The following KDM3A variants were observed in gnomAD, a reference collection of about 807,000 sequenced individuals.
The protein encoded by KDM3A is lysine-specific demethylase 3A.
In KDM3A, 60 loss-of-function variants were observed where a neutral mutation model predicts 158.0. The observed-to-expected ratio is 0.38, with a 90% CI of 0.31 to 0.47. The LOEUF (loss-of-function observed/expected upper bound fraction) is 0.47, where lower values mean the gene tolerates loss of function less well. Ranked by LOEUF, KDM3A falls within the 20% of genes least tolerant of loss-of-function variation. The pLI is 0.99. For synonymous variants in KDM3A, 608 were observed against 549.3 expected (o/e 1.11, Z -1.49); for missense variants, 1,319 against 1,574.3 (o/e 0.84, Z 2.74).
Position 86,454,547 on chromosome 2 carries a change from A to G in KDM3A, c.454-538A>G, listed in dbSNP as rs185068938. Among the ~76,000 whole-genome samples the G allele has an allele frequency of 4.6e-5, 7 of 152,280 alleles. No individual in the cohort carries two copies. The East Asian group carries it at 9.6e-4, about 21-fold the overall frequency. ...TTGATGAATAAACTAACTCTCAGTT[A>G]TGGTCATCTACCCCTGCTAGTAGGT... On this transcript the variant is annotated intron_variant, in intron 4 of 25. Coordinates refer to ENST00000312912, the MANE Select transcript of KDM3A (RefSeq NM_018433.6).
At chr2:86,441,966 G>C in intron 1 of KDM3A, 52 bp from the exon 2 acceptor site, 34 of 1,019,112 alleles carry the variant, frequency 3.3e-5, no homozygotes, top group Non-Finnish European at 4.7e-5. Context: ...GTCTCCGCCC[G>C]GCCCCCTCCC....
At chr2:86,456,608 C>G (rs1203460748) in intron 6 of KDM3A, 42 bp downstream of exon 6, 2 of 1,560,730 alleles carry the variant, frequency 1.3e-6, no homozygotes, top group Admixed American at 3.6e-5. Flanking sequence ...CTCGACAAAG[C>G]ATGATAACTA....
rs1288204763 is a variant in KDM3A at position 86,442,137 on chromosome 2, C to T, written c.90C>T (p.His30=). The change falls in exon 2 of 26, where the codon CAC becomes CAT. Residue 30 remains histidine (H), a synonymous_variant. Transcript: ENST00000312912. ...LSAADGSDGS[H]DSWDVERVAE... is the part of the protein sequence containing the mutation. ...CAGCCGACGGCAGCGATGGCAGCCA[C>T]GACAGCTGGGACGTGGAGCGCGTCG... The T allele has an allele frequency of 1.2e-6, 2 of 1,614,080 alleles. No individual in the cohort carries two copies. Among genetic ancestry groups the T allele is most frequent in the Non-Finnish European group, 1.7e-6 (2 of 1,180,002 alleles).
intron 6 of KDM3A, 40 bp from the exon 7 acceptor site, chr2:86,456,764 AT>A: frequency 1.3e-6 from 2 of 1,512,718 alleles, no homozygotes; most frequent in Non-Finnish European, 1.8e-6. Flanking sequence ...GTTCTTGAGC[AT>A]TTTTTATTTT....
intron 18 of KDM3A, 61 bp downstream of exon 18, chr2:86,482,755 G>C: frequency 6.6e-7 from 1 of 1,525,174 alleles, no homozygotes; most frequent in Non-Finnish European, 9.0e-7. Flanking sequence ...TCCTTTAGCA[G>C]ACTTCTGACA....
intron 21 of KDM3A, chr2:86,487,403 G>A (rs1674232513): frequency 6.6e-6 from 1 of 152,274 alleles, no homozygotes; most frequent in African/African-American, 2.4e-5. Flanking sequence ...TTCAAAGGTT[G>A]TGTGATTGAG....
rs1672623323 is a variant in KDM3A, at chr2:86,454,959, C to CT, written c.454-125dup. 8.8e-6 allele frequency: 5 copies of CT among 566,864 alleles called. No individual in the cohort carries two copies. The Admixed American group carries it at 1.8e-4, about 21-fold the overall frequency. The allele number at this position is 566,864 out of a possible 1,614,324, so 35.1% of individuals were successfully genotyped here. The stretch of plus-strand genomic sequence containing the variant: ...TTTACTGGAATTGGAATGATTTGGG[C>CT]TATCACATGGTTTGTTGACACTACT... On this transcript the variant is annotated intron_variant, in intron 4 of 25. Coordinates refer to ENST00000312912, the MANE Select transcript of KDM3A (RefSeq NM_018433.6).
In KDM3A at chr2:86,477,863, A is replaced by G. The variant is rs568260877; in HGVS notation, c.1940-14A>G. 7.6e-6 allele frequency: 12 copies of G among 1,585,928 alleles called. No individual in the cohort carries two copies. In the East Asian group the frequency reaches 2.0e-4, roughly 27 times the overall value. On this transcript the variant is annotated splice_polypyrimidine_tract_variant and intron_variant, in intron 12 of 25. Coordinates refer to ENST00000312912, the MANE Select transcript of KDM3A (RefSeq NM_018433.6). ...TCTCCTTCCAAAGACTAAGTGATTTACTGATTTTTGCAGGACAGGTTGCTT... is the reference window on the plus strand; with the variant it reads ...TCTCCTTCCAAAGACTAAGTGATTTGCTGATTTTTGCAGGACAGGTTGCTT...
chr2:86,464,560 G>A (rs182942759), intron 9 of KDM3A, among the ~76,000 whole-genome samples: 3 of 152,198 alleles, frequency 2.0e-5, no homozygotes, highest in African/African-American at 7.2e-5. Flanking sequence ...GAAGCAGTGA[G>A]ACATGGTTAC....
chr2:86,467,448 G>A (rs1392769865), intron 10 of KDM3A: 1 of 152,558 alleles, frequency 6.6e-6, no homozygotes, highest in Non-Finnish European at 1.5e-5. Flanking sequence ...AGATGTTACG[G>A]ATAGGGCTGA....
At chr2:86,471,333 G>A (rs1468667177) in intron 11 of KDM3A, among the ~76,000 whole-genome samples, 1 of 150,856 alleles carries the variant, frequency 6.6e-6, no homozygotes, top group Non-Finnish European at 1.5e-5. Context: ...GTGTATGTGT[G>A]TATATATGTA....
At chr2:86,445,620 C>T (rs903817744) in intron 2 of KDM3A, among the ~76,000 whole-genome samples, 1 of 152,194 alleles carries the variant, frequency 6.6e-6, no homozygotes, top group Non-Finnish European at 1.5e-5. Context: ...TCCTTGCCAT[C>T]TGTATGTACC....
chr2:86,475,603 C>G (rs1673625618), intron 12 of KDM3A, among the ~76,000 whole-genome samples: 1 of 152,188 alleles, frequency 6.6e-6, no homozygotes, highest in South Asian at 2.1e-4. Context: ...TTCATGACAT[C>G]TCAAGCTAGG....
intron 4 of KDM3A, among the ~76,000 whole-genome samples, chr2:86,454,482 A>G (rs778356107): frequency 8.5e-5 from 13 of 152,226 alleles, no homozygotes; most frequent in Non-Finnish European, 1.6e-4. Flanking sequence ...CAATGTGTCA[A>G]AAGGTTTGGA....
intron 10 of KDM3A, chr2:86,467,199 C>T (rs767972215): frequency 7.1e-5 from 13 of 183,462 alleles, no homozygotes; most frequent in Non-Finnish European, 1.3e-4. Flanking sequence ...GTTCATTTAC[C>T]ATAGGATTTA....
chr2:86,492,124 C>A lies in KDM3A; in HGVS notation c.*5C>A. 1 of 1,605,558 alleles carries A rather than the reference C, an allele frequency of 6.2e-7. No individual in the cohort carries two copies. The highest frequency in any genetic ancestry group is 1.1e-5 in the South Asian group (1 of 90,770). ...TCCAGTTTTGGCAAACCTTAATCTC[C>A]CTGCACATTGGAAATGAATTACAGG... On this transcript the variant is annotated 3_prime_UTR_variant, in exon 26 of 26. Coordinates refer to ENST00000312912, the MANE Select transcript of KDM3A (RefSeq NM_018433.6).
intron 5 of KDM3A, 92 bp downstream of exon 5, chr2:86,455,279 G>A: frequency 1.4e-6 from 1 of 732,244 alleles, no homozygotes; most frequent in Non-Finnish European, 2.3e-6. Flanking sequence ...ATTTGCTCAT[G>A]GAAATTTCTT....
intron 10 of KDM3A, among the ~76,000 whole-genome samples, 177 bp from the exon 11 acceptor site, chr2:86,470,027 C>G (rs1471857495): frequency 6.6e-6 from 1 of 152,010 alleles, no homozygotes; most frequent in East Asian, 1.9e-4. Flanking sequence ...TAAAACTTTC[C>G]CAGTTATTCT....
At position 86,474,924 on chromosome 2, in the gene KDM3A, A is replaced by T. The variant is rs756542736; in HGVS notation, c.1873A>T (p.Ile625Phe). Residue 625 changes from isoleucine (I) to phenylalanine (F), a missense_variant, in exon 12 of 26, where the codon ATT (isoleucine) becomes TTT (phenylalanine). Ile to Phe is a conservative substitution (Grantham distance 21, BLOSUM62 0). Around this residue, in one of 4 missense-constraint regions of KDM3A, gnomAD observed 113 missense variants for 190.5 expected, o/e 0.59. Coordinates refer to ENST00000312912, the MANE Select transcript of KDM3A (RefSeq NM_018433.6). ...LDTAKYILAN[I>F]GDHFCQMVIS... ...CACAGCAAAGTACATCTTGGCCAACATTGGAGACCACTTCTGTCAAATGGT... is the reference window on the plus strand; with the variant it reads ...CACAGCAAAGTACATCTTGGCCAACTTTGGAGACCACTTCTGTCAAATGGT... 6.2e-7 allele frequency: 1 copy of T among 1,613,984 alleles called. No individual in the cohort carries two copies.
Sources: allele counts gnomAD v4.1 joint callset (sites outside exome capture counted in the v4.1 genomes callset), GRCh38; gene constraint gnomAD v4.1.1; regional missense constraint gnomAD v4.1.1; transcripts MANE v1.5; gene names NCBI Gene and HGNC (gene_info 2026-07-23, HGNC 2026-07-21).